Variants in CA2 observed in about 807,000 individuals in gnomAD.
CA2 encodes carbonic anhydrase 2.
A neutral mutation model predicts 27.8 loss-of-function variants in CA2; 23 were observed. The ratio of observed to expected loss-of-function variants is 0.83; its 90% CI spans 0.59 to 1.17. The LOEUF (loss-of-function observed/expected upper bound fraction) is 1.17, where lower values mean the gene tolerates loss of function less well. CA2 is among the 50% of genes most tolerant of loss of function. CA2 has a pLI of 0.00. For synonymous variants in CA2, 99 were observed against 114.9 expected, an observed-to-expected ratio of 0.86 and a Z score of 0.88; for missense variants, 300 against 314.7, an observed-to-expected ratio of 0.95 and a Z score of 0.35.
chr8:85,480,599 G>A (rs897577873), intron 6 of CA2, 71 bp from the exon 7 acceptor site: 1 of 1,488,800 alleles, frequency 6.7e-7, no homozygotes, highest in African/African-American at 1.4e-5. Context: ...TGTATTTAAA[G>A]ATATAACACA....
chr8:85,480,911 CT>C lies in CA2; in HGVS notation c.*123del. The C allele has an allele frequency of 1.0e-6, 1 of 959,826 alleles. No homozygotes were observed. Among genetic ancestry groups the C allele is most frequent in the Non-Finnish European group, 1.6e-6 (1 of 611,120 alleles). The allele number at this position is 959,826 out of a possible 1,614,324, so 59.5% of individuals were successfully genotyped here. On this transcript the variant is annotated 3_prime_UTR_variant, in exon 7 of 7. Transcript: ENST00000285379. ...GTGTCTAGTTTTCTAGACCCTTCAT[CT>C]CTTACTTGATAGACTTACTAATAAA...
chr8:85,474,476 G>C (rs372997841), intron 4 of CA2, 60 bp downstream of exon 4: 12 of 1,233,464 alleles, frequency 9.7e-6, no homozygotes, highest in Non-Finnish European at 1.3e-5. Flanking sequence ...ACCAGACAGA[G>C]TATTTGTAAC....
At chr8:85,465,826 C>A (rs1811621269) in intron 2 of CA2, among the ~76,000 whole-genome samples, 1 of 152,158 alleles carries the variant, frequency 6.6e-6, no homozygotes, top group Admixed American at 6.5e-5. Flanking sequence ...TTTTGTCTTG[C>A]AGAGCTGATG....
At position 85,465,347 on chromosome 8, in the gene CA2, C is replaced by T. The variant is rs1214017154; in HGVS notation, c.110C>T (p.Thr37Ile). 17 of 1,614,192 alleles carry T rather than the reference C, an allele frequency of 1.1e-5. No individual in the cohort carries two copies. The highest frequency in any genetic ancestry group is 1.3e-5 in the Non-Finnish European group (15 of 1,180,002). The change falls in exon 2 of 7, where the codon ACA (threonine) becomes ATA (isoleucine). Residue 37 changes from threonine (T) to isoleucine (I), a missense_variant. Thr to Ile is a moderately conservative substitution (Grantham distance 89, BLOSUM62 -1). Around this residue, in one of 3 missense-constraint regions of CA2, gnomAD observed 122 missense variants for 133.2 expected, o/e 0.92. Coordinates refer to ENST00000285379, the MANE Select transcript of CA2 (RefSeq NM_000067.3). ...RQSPVDIDTH[T>I]AKYDPSLKPL... ...TCCCCTGTTGACATCGACACTCATA[C>T]AGCCAAGTATGACCCTTCCCTGAAG...
Position 85,471,993 on chromosome 8 carries a change from A to G in CA2, c.233-1700A>G, listed in dbSNP as rs116723600. Among the ~76,000 whole-genome samples the G allele has an allele frequency of 5.7e-3, 872 of 152,206 alleles. 8 individuals carry two copies. The highest frequency in any genetic ancestry group is 0.02 in the African/African-American group (822 of 41,540). ...ACCATTTATAATTCTTTCTGTTTTC[A>G]TTCTTCCTTTTTTCTCCTGGCCTAT... On this transcript the variant is annotated intron_variant, in intron 2 of 6. Transcript: ENST00000285379.
rs1353313652 is a variant in CA2 at position 85,473,818 on chromosome 8, T to C, written c.351+7T>C. 9.9e-6 allele frequency: 14 copies of C among 1,415,616 alleles called. No individual in the cohort carries two copies. Among genetic ancestry groups the C allele is most frequent in the Non-Finnish European group, 1.3e-5 (13 of 998,848 alleles). The allele number at this position is 1,415,616 out of a possible 1,614,324, so 87.7% of individuals were successfully genotyped here. A position where few individuals can be genotyped will look rare whatever the true frequency, so the allele number is the denominator to read the frequency against. ...AAAGAAATATGCTGCAGAAGTAAGA[T>C]ATACTTTTTTTTTTCTTTCCAGGGA... is the stretch of plus-strand genomic sequence containing the variant. On this transcript the variant is annotated splice_region_variant and intron_variant, in intron 3 of 6. Transcript: ENST00000285379.
chr8:85,467,333 T>C (rs1811645271), intron 2 of CA2, among the ~76,000 whole-genome samples: 1 of 152,068 alleles, frequency 6.6e-6, no homozygotes, highest in Non-Finnish European at 1.5e-5. Context: ...ACTTTGGGAG[T>C]AATACTGTCT....
At chr8:85,470,556 A>T (rs1447019713) in intron 2 of CA2, among the ~76,000 whole-genome samples, 1 of 152,162 alleles carries the variant, frequency 6.6e-6, no homozygotes, top group Non-Finnish European at 1.5e-5. Context: ...AGAAAAAATT[A>T]AAAAATATTA....
intron 2 of CA2, among the ~76,000 whole-genome samples, chr8:85,466,683 C>CAT (rs1811636420): frequency 7.3e-6 from 1 of 136,756 alleles, no homozygotes; most frequent in African/African-American, 2.7e-5. Context: ...CATACATACA[C>CAT]ACACACACAC....
intron 1 of CA2, 67 bp downstream of exon 1, chr8:85,464,182 C>T: frequency 1.5e-5 from 21 of 1,428,168 alleles, no homozygotes; most frequent in Non-Finnish European, 2.0e-5. Context: ...GATCCCCGAG[C>T]CCGGATGCCG....
chr8:85,476,066 G>A (rs969926610), intron 5 of CA2, among the ~76,000 whole-genome samples: 9 of 152,150 alleles, frequency 5.9e-5, no homozygotes, highest in African/African-American at 9.7e-5. Context: ...TCTAAGACTT[G>A]TATTTATTTA....
chr8:85,474,800 G>A (rs868241442), intron 4 of CA2, among the ~76,000 whole-genome samples: 16 of 152,300 alleles, frequency 1.1e-4, no homozygotes, highest in South Asian at 4.1e-4. Flanking sequence ...GACAGAACCG[G>A]TTGAGCTGCC....
Position 85,481,372 on chromosome 8 carries a change from T to G in CA2, c.*583T>G, listed in dbSNP as rs554708910. ...GAATTACAGAGATATAAATGAAGTA[T>G]TATCTGTAAAAATTGTTATAATTAG... On this transcript the variant is annotated 3_prime_UTR_variant, in exon 7 of 7. Transcript: ENST00000285379. The G allele has an allele frequency of 6.5e-6, 1 of 153,202 alleles. No individual in the cohort carries two copies. The highest frequency in any genetic ancestry group is 2.4e-5 in the African/African-American group (1 of 41,594). 9.5% of individuals were successfully genotyped at this position (153,202 alleles called of 1,614,324 possible).
At chr8:85,467,449 C>T (rs910561444) in intron 2 of CA2, among the ~76,000 whole-genome samples, 3 of 152,182 alleles carry the variant, frequency 2.0e-5, no homozygotes, top group Non-Finnish European at 4.4e-5. Context: ...CAGTGCCTGG[C>T]GCATAGAAGT....
In CA2 at chr8:85,480,926, C is replaced by T. The variant is rs1238619100; in HGVS notation, c.*137C>T. The T allele has an allele frequency of 3.6e-6, 3 of 844,954 alleles. No homozygotes were observed. Among genetic ancestry groups the T allele is most frequent in the East Asian group, 2.7e-5 (1 of 37,124 alleles). The allele number at this position is 844,954 out of a possible 1,614,324, so 52.3% of individuals were successfully genotyped here. The stretch of plus-strand genomic sequence containing the variant: ...GACCCTTCATCTCTTACTTGATAGA[C>T]TTACTAATAAAATGTGAAGACTAGA... On this transcript the variant is annotated 3_prime_UTR_variant, in exon 7 of 7. Transcript: ENST00000285379.
At chr8:85,467,980 G>A (rs1811653347) in intron 2 of CA2, among the ~76,000 whole-genome samples, 1 of 152,184 alleles carries the variant, frequency 6.6e-6, no homozygotes, top group Non-Finnish European at 1.5e-5. Context: ...ATGAAAGCAG[G>A]GTGGAGGCCT....
At chr8:85,471,520 C>G (rs1477037742) in intron 2 of CA2, among the ~76,000 whole-genome samples, 1 of 151,856 alleles carries the variant, frequency 6.6e-6, no homozygotes, top group African/African-American at 2.4e-5. Context: ...GAATAAGAAA[C>G]AGCAATAAAC....
chr8:85,474,925 C>T (rs958273150), intron 4 of CA2, among the ~76,000 whole-genome samples: 3 of 151,920 alleles, frequency 2.0e-5, no homozygotes, highest in Admixed American at 6.6e-5. Context: ...AAGTACAGCA[C>T]GAAGAGGGAG....
At position 85,477,090 on chromosome 8, in the gene CA2, G is replaced by A. The variant is rs72682972; in HGVS notation, c.508-30G>A. Reference sequence around the variant, plus strand: ...TTCCTCCTACTCTGTCAATGTGATAGTTTGAAGCTGCGTATTTGCCTTGTT... The same window carrying A: ...TTCCTCCTACTCTGTCAATGTGATAATTTGAAGCTGCGTATTTGCCTTGTT... On this transcript the variant is annotated intron_variant, in intron 5 of 6. Coordinates refer to ENST00000285379, the MANE Select transcript of CA2 (RefSeq NM_000067.3). The A allele has an allele frequency of 8.1e-6, 13 of 1,613,120 alleles. No individual in the cohort carries two copies. The Admixed American group carries it at 1.8e-4, about 23-fold the overall frequency.
Sources: gnomAD v4.1 joint callset for allele counts (sites outside exome capture counted in the v4.1 genomes callset) on GRCh38, gnomAD v4.1.1 for gene constraint, gnomAD v4.1.1 regional missense constraint, MANE v1.5 for transcripts, NCBI Gene and HGNC (gene_info 2026-07-23, HGNC 2026-07-21) for gene names.